Variants in IL1RAPL1 observed in about 807,000 individuals in gnomAD.
The protein encoded by IL1RAPL1 is interleukin-1 receptor accessory protein-like 1.
In IL1RAPL1, 3 loss-of-function variants were observed where a neutral mutation model predicts 48.4. The observed-to-expected ratio is 0.06, with a 90% CI of 0.03 to 0.16. The LOEUF is 0.16. Among genes scored for constraint, IL1RAPL1 ranks in the 10% least tolerant of loss-of-function variants. The pLI is 1.00. For missense variants in IL1RAPL1, 349 were observed against 530.6 expected, an observed-to-expected ratio of 0.66 and a Z score of 3.36; for synonymous variants, 185 against 187.7, an observed-to-expected ratio of 0.99 and a Z score of 0.12.
At chrX:29,620,004 T>G (rs1335475996) in intron 5 of IL1RAPL1, among the ~76,000 whole-genome samples, 1 of 111,743 alleles carries the variant, frequency 8.9e-6, no homozygotes, top group African/African-American at 3.2e-5. Context: ...AATTCATGTA[T>G]ATCAGAGGCC....
intron 5 of IL1RAPL1, among the ~76,000 whole-genome samples, chrX:29,442,019 C>A (rs890754335): frequency 8.9e-6 from 1 of 111,771 alleles, no homozygotes; most frequent in Non-Finnish European, 1.9e-5. Context: ...CAGATTAGTT[C>A]TGGTTTGTAC....
At chrX:28,928,649 C>A (rs1276896924) in intron 2 of IL1RAPL1, among the ~76,000 whole-genome samples, 1 of 112,020 alleles carries the variant, frequency 8.9e-6, no homozygotes, top group Non-Finnish European at 1.9e-5. Flanking sequence ...TTAATTGATA[C>A]TTTCTCAGAA....
chrX:29,640,587 G>A (rs1023431226), intron 5 of IL1RAPL1, among the ~76,000 whole-genome samples: 3 of 111,688 alleles, frequency 2.7e-5, no homozygotes, highest in African/African-American at 9.8e-5. Flanking sequence ...GGAGTAAATG[G>A]CAACTCCATT....
At chrX:29,858,815 A>G (rs961710659) in intron 6 of IL1RAPL1, among the ~76,000 whole-genome samples, 23 of 109,977 alleles carry the variant, frequency 2.1e-4, no homozygotes, top group African/African-American at 7.6e-4. Context: ...TATTTGCCTC[A>G]TTTTAGTCCT....
chrX:28,690,605 A>G (rs751126321), intron 1 of IL1RAPL1, among the ~76,000 whole-genome samples: 1 of 110,975 alleles, frequency 9.0e-6, no homozygotes, highest in Non-Finnish European at 1.9e-5. Flanking sequence ...ATATATACAT[A>G]TATCCAATAA....
intron 2 of IL1RAPL1, among the ~76,000 whole-genome samples, chrX:29,081,020 C>CTCTCTCTTTCTTTTCTTTTCT (rs1555960745): frequency 9.5e-5 from 4 of 41,914 alleles, no homozygotes; most frequent in African/African-American, 1.8e-4. Context: ...CTCTCTCTCT[C>CTCTCTCTTTCTTTTCTTTTCT]TTTCTTTTCT....
At chrX:28,829,367 C>T (rs1920994597) in intron 2 of IL1RAPL1, among the ~76,000 whole-genome samples, 1 of 110,423 alleles carries the variant, frequency 9.1e-6, no homozygotes, top group Non-Finnish European at 1.9e-5. Context: ...CCTTGGCTAA[C>T]GTCTCTGGTA....
intron 2 of IL1RAPL1, among the ~76,000 whole-genome samples, chrX:29,072,655 T>A (rs1420056199): frequency 1.8e-5 from 2 of 111,881 alleles, no homozygotes; most frequent in African/African-American, 3.2e-5. Flanking sequence ...TATGGGATGG[T>A]CTTTAGCATA....
At chrX:29,722,396 G>A (rs1048452115) in intron 6 of IL1RAPL1, among the ~76,000 whole-genome samples, 3 of 111,943 alleles carry the variant, frequency 2.7e-5, no homozygotes, top group African/African-American at 9.7e-5. Context: ...GAGACAAATA[G>A]CCACCTACAT....
At chrX:29,413,959 A>G (rs1374435559) in intron 5 of IL1RAPL1, among the ~76,000 whole-genome samples, 2 of 111,137 alleles carry the variant, frequency 1.8e-5, no homozygotes, top group Non-Finnish European at 3.8e-5. Context: ...CTATATTAAT[A>G]TATGTCTTAT....
At chrX:28,680,989 T>C (rs1001011585) in intron 1 of IL1RAPL1, among the ~76,000 whole-genome samples, 2 of 111,666 alleles carry the variant, frequency 1.8e-5, no homozygotes, top group African/African-American at 6.5e-5. Flanking sequence ...GGATTGGTAT[T>C]AATATTTCTT....
At chrX:28,949,967 T>G (rs1189867189) in intron 2 of IL1RAPL1, among the ~76,000 whole-genome samples, 3 of 110,506 alleles carry the variant, frequency 2.7e-5, no homozygotes, top group Non-Finnish European at 3.8e-5. Flanking sequence ...GTCAATTTTG[T>G]CTTTTGTTGC....
chrX:29,435,882 A>T (rs1004833920), intron 5 of IL1RAPL1, among the ~76,000 whole-genome samples: 1 of 110,753 alleles, frequency 9.0e-6, no homozygotes, highest in Admixed American at 9.7e-5. Flanking sequence ...TGGAATGGTC[A>T]CTTTTTCTTT....
intron 5 of IL1RAPL1, among the ~76,000 whole-genome samples, chrX:29,477,166 C>G (rs1377746529): frequency 1.8e-5 from 2 of 111,332 alleles, no homozygotes; most frequent in East Asian, 5.6e-4. Flanking sequence ...GCTGTACTTT[C>G]AGTAAATCTG....
At chrX:29,204,495 C>A (rs1025673545) in intron 2 of IL1RAPL1, among the ~76,000 whole-genome samples, 7 of 111,259 alleles carry the variant, frequency 6.3e-5, no homozygotes, top group Non-Finnish European at 1.3e-4. Context: ...TTTCCATATA[C>A]CTGTTGGCCA....
At chrX:28,813,917 C>T (rs900823478) in intron 2 of IL1RAPL1, among the ~76,000 whole-genome samples, 1 of 110,814 alleles carries the variant, frequency 9.0e-6, no homozygotes, top group Non-Finnish European at 1.9e-5. Context: ...TGTTTTGCCT[C>T]TCTTAGTGTG....
intron 6 of IL1RAPL1, among the ~76,000 whole-genome samples, chrX:29,916,477 C>T (rs961950585): frequency 1.8e-5 from 2 of 111,813 alleles, no homozygotes; most frequent in African/African-American, 6.5e-5. Flanking sequence ...AAAGGTGTTG[C>T]TTTTTCATTT....
chrX:29,398,906 A>T (rs751658788), intron 4 of IL1RAPL1, among the ~76,000 whole-genome samples: 18 of 112,228 alleles, frequency 1.6e-4, no homozygotes, highest in African/African-American at 5.8e-4. Context: ...TTTCCAAAAA[A>T]ATAATCTTCA....
In IL1RAPL1 at chrX:29,530,031, G is replaced by T. The variant is rs147264699; in HGVS notation, c.703+130723G>T. On this transcript the variant is annotated intron_variant, in intron 5 of 10. Transcript: ENST00000378993. ...CTGGCATATAAGTTCTCAGTAAATGGCAGTTAATAATAATATCACTATTAT... is the reference window on the plus strand; with the variant it reads ...CTGGCATATAAGTTCTCAGTAAATGTCAGTTAATAATAATATCACTATTAT... 6.7e-3 allele frequency among the ~76,000 whole-genome samples: 751 copies of T among 111,935 alleles called. 4 individuals are homozygous for T. The highest frequency in any genetic ancestry group is 0.023 in the African/African-American group (709 of 30,802).
Sources: gnomAD v4.1 joint callset for allele counts (sites outside exome capture counted in the v4.1 genomes callset) on GRCh38, gnomAD v4.1.1 for gene constraint, MANE v1.5 for transcripts, NCBI Gene and HGNC (gene_info 2026-07-23, HGNC 2026-07-21) for gene names.